FYN: variants seen among roughly 807,000 people sequenced by gnomAD.
FYN encodes the protein FYN proto-oncogene, Src family tyrosine kinase.
Under a neutral mutation model 70.2 loss-of-function variants are expected in FYN, and 10 were observed. The ratio of observed to expected loss-of-function variants is 0.14; its 90% CI spans 0.09 to 0.24. The LOEUF (loss-of-function observed/expected upper bound fraction) is 0.24. Ranked by LOEUF, FYN falls within the 10% of genes least tolerant of loss-of-function variation. The pLI, the probability that FYN is intolerant of heterozygous loss-of-function variation, is 1.00. For missense variants in FYN, 319 were observed against 673.1 expected (o/e 0.47, Z 5.82); for synonymous variants, 236 against 248.6 (o/e 0.95, Z 0.48).
intron 13 of FYN, among the ~76,000 whole-genome samples, chr6:111,663,526 T>G (rs1339254637): frequency 1.3e-5 from 2 of 152,270 alleles, no homozygotes; most frequent in Non-Finnish European, 2.9e-5. Flanking sequence ...GTCAGTCACA[T>G]GTCTCTCCAG....
intron 1 of FYN, among the ~76,000 whole-genome samples, chr6:111,857,664 T>C (rs1003907716): frequency 2.0e-5 from 3 of 152,174 alleles, no homozygotes; most frequent in Admixed American, 2.0e-4. Flanking sequence ...GAATTCAACT[T>C]GATTATGATC....
At chr6:111,724,883 A>T (rs1801124762) in intron 3 of FYN, among the ~76,000 whole-genome samples, 1 of 152,224 alleles carries the variant, frequency 6.6e-6, no homozygotes, top group African/African-American at 2.4e-5. Context: ...AGAACAAGGA[A>T]GGGAACTGAA....
intron 10 of FYN, 93 bp downstream of exon 10, chr6:111,696,184 C>T: frequency 1.8e-6 from 2 of 1,127,682 alleles, no homozygotes; most frequent in African/African-American, 3.2e-5. Context: ...CAGGCAGAAA[C>T]TAGAAAAGTA....
intron 1 of FYN, among the ~76,000 whole-genome samples, chr6:111,857,905 ATG>A (rs1488629649): frequency 2.6e-5 from 4 of 151,982 alleles, no homozygotes; most frequent in Non-Finnish European, 5.9e-5. Context: ...CCTCTGTGGG[ATG>A]TCTTGTTCCT....
intron 1 of FYN, among the ~76,000 whole-genome samples, chr6:111,871,401 T>C (rs866565000): frequency 2.6e-5 from 4 of 152,318 alleles, no homozygotes; most frequent in Middle Eastern, 3.4e-3. Flanking sequence ...GTGGAAAGTA[T>C]TGCAGTTGCT....
intron 3 of FYN, among the ~76,000 whole-genome samples, chr6:111,733,075 G>A (rs1332299783): frequency 3.3e-5 from 5 of 152,068 alleles, no homozygotes; most frequent in African/African-American, 9.7e-5. Flanking sequence ...TGGCTGTGTG[G>A]GCCACGTGTC....
intron 2 of FYN, among the ~76,000 whole-genome samples, chr6:111,783,007 A>AT (rs1771232114): frequency 6.6e-6 from 1 of 152,184 alleles, no homozygotes; most frequent in Non-Finnish European, 1.5e-5. Context: ...AGGTCTACTC[A>AT]GTGCTTGTCC....
intron 2 of FYN, among the ~76,000 whole-genome samples, chr6:111,839,888 C>T (rs533077705): frequency 6.6e-6 from 1 of 152,198 alleles, no homozygotes; most frequent in South Asian, 2.1e-4. Flanking sequence ...GCTCCAGACT[C>T]GGGTGACCCT....
intron 3 of FYN, among the ~76,000 whole-genome samples, chr6:111,737,939 A>G (rs1801780853): frequency 6.6e-6 from 1 of 152,190 alleles, no homozygotes; most frequent in South Asian, 2.1e-4. Flanking sequence ...CAAATAAACA[A>G]ATAATTTTTT....
At chr6:111,845,773 G>A (rs1438759502) in intron 2 of FYN, among the ~76,000 whole-genome samples, 4 of 152,302 alleles carry the variant, frequency 2.6e-5, no homozygotes, top group Non-Finnish European at 2.9e-5. Flanking sequence ...AGTGGGGGCC[G>A]AAAAGGACGC....
intron 1 of FYN, among the ~76,000 whole-genome samples, chr6:111,853,534 C>T (rs1773744106): frequency 6.6e-6 from 1 of 152,090 alleles, no homozygotes; most frequent in Non-Finnish European, 1.5e-5. Context: ...CTTGCTTGGG[C>T]TGTGGCAAAG....
At chr6:111,728,025 CT>C in intron 3 of FYN, among the ~76,000 whole-genome samples, 1 of 152,310 alleles carries the variant, frequency 6.6e-6, no homozygotes, top group Admixed American at 6.5e-5. Flanking sequence ...AGATTTAAGA[CT>C]GCAGTCAACT....
intron 2 of FYN, among the ~76,000 whole-genome samples, chr6:111,783,626 G>T (rs1050593300): frequency 1.3e-5 from 2 of 152,188 alleles, no homozygotes; most frequent in African/African-American, 2.4e-5. Context: ...ACAGACTATT[G>T]TATGACTCCC....
At chr6:111,786,039 C>T (rs1169930914) in intron 2 of FYN, among the ~76,000 whole-genome samples, 1 of 150,558 alleles carries the variant, frequency 6.6e-6, no homozygotes, top group Non-Finnish European at 1.5e-5. Flanking sequence ...ATAGTGTATA[C>T]GTGCCACATT....
intron 12 of FYN, among the ~76,000 whole-genome samples, chr6:111,687,410 T>C (rs148613555): frequency 2.6e-5 from 4 of 152,276 alleles, no homozygotes; most frequent in Non-Finnish European, 5.9e-5. Context: ...AGTCCAAAGA[T>C]CCAAAGATTA....
intron 2 of FYN, chr6:111,798,240 G>T (rs1379643944): frequency 6.6e-6 from 1 of 152,128 alleles, no homozygotes; most frequent in Non-Finnish European, 1.5e-5. Context: ...CCTCTACTGT[G>T]CATCTCTAAT....
chr6:111,674,404 G>C, intron 13 of FYN, 95 bp downstream of exon 13: 1 of 1,363,806 alleles, frequency 7.3e-7, no homozygotes, highest in Non-Finnish European at 1.0e-6. Flanking sequence ...GAAAGCTGAG[G>C]ATGGGGCTTA....
intron 2 of FYN, among the ~76,000 whole-genome samples, chr6:111,846,233 A>C (rs1773523505): frequency 6.6e-6 from 1 of 152,166 alleles, no homozygotes; most frequent in African/African-American, 2.4e-5. Flanking sequence ...GACCAGCCTG[A>C]GGATAGGCGC....
intron 2 of FYN, among the ~76,000 whole-genome samples, chr6:111,821,886 T>C (rs956574451): frequency 6.6e-6 from 1 of 152,044 alleles, no homozygotes; most frequent in Non-Finnish European, 1.5e-5. Flanking sequence ...AAAATGATCA[T>C]CATCACTGGC....
Sources: allele counts gnomAD v4.1 joint callset (sites outside exome capture counted in the v4.1 genomes callset), GRCh38; gene constraint gnomAD v4.1.1; transcripts MANE v1.5; gene names NCBI Gene and HGNC (gene_info 2026-07-23, HGNC 2026-07-21).